KALRN: variants seen among roughly 807,000 people sequenced by gnomAD.
The protein encoded by KALRN is kalirin RhoGEF kinase.
In KALRN, 70 loss-of-function variants were observed where a neutral mutation model predicts 353.7. That is an observed-to-expected ratio of 0.20 (90% CI 0.16 to 0.24). KALRN has a LOEUF of 0.24. KALRN is among the 10% of genes least tolerant of loss of function. The pLI, the probability that KALRN is intolerant of heterozygous loss-of-function variation, is 1.00. For missense variants in KALRN, 2,791 were observed against 3,756.7 expected (o/e 0.74, Z 6.72); for synonymous variants, 1,391 against 1,434.8 (o/e 0.97, Z 0.69).
intron 10 of KALRN, among the ~76,000 whole-genome samples, chr3:124,367,863 G>A (rs1401990251): frequency 5.7e-5 from 1 of 17,506 alleles, no homozygotes; most frequent in African/African-American, 2.0e-4. Flanking sequence ...GCCGGGCGGG[G>A]GGCTGACCCC....
intron 27 of KALRN, among the ~76,000 whole-genome samples, chr3:124,477,597 G>A (rs941126017): frequency 6.6e-6 from 1 of 152,154 alleles, no homozygotes; most frequent in African/African-American, 2.4e-5. Flanking sequence ...TAAAGCACAT[G>A]TTTAGAGGAG....
At chr3:124,170,057 C>T (rs931806086) in intron 1 of KALRN, among the ~76,000 whole-genome samples, 15 of 152,056 alleles carry the variant, frequency 9.9e-5, no homozygotes, top group Admixed American at 2.0e-4. Context: ...CAGAAAATAC[C>T]GTGGTAAAGC....
In KALRN at chr3:124,043,871, G is replaced by C. The variant is rs190805201; in HGVS notation, c.73+10058G>C. On this transcript the variant is annotated intron_variant, in intron 1 of 59. Coordinates refer to ENST00000682506, the MANE Select transcript of KALRN (RefSeq NM_001388419.1). Reference sequence around the variant, plus strand: ...CTCCTACAGAGTATGAGTCAGAAAGGCAAGCGGGGAAAGAAGTAAGTGAGG... The same window carrying C: ...CTCCTACAGAGTATGAGTCAGAAAGCCAAGCGGGGAAAGAAGTAAGTGAGG... Among the ~76,000 whole-genome samples, 40 of 152,290 alleles carry C rather than the reference G, an allele frequency of 2.6e-4. No homozygotes were observed. In the East Asian group the frequency reaches 7.3e-3, roughly 28 times the overall value.
chr3:124,469,802 T>C (rs552889734), intron 25 of KALRN, among the ~76,000 whole-genome samples: 154 of 152,334 alleles, frequency 1.0e-3, no homozygotes, highest in African/African-American at 3.6e-3. Flanking sequence ...ATCAAATAGT[T>C]ATTTCCATTT....
At chr3:124,516,256 T>G (rs1352648426) in intron 33 of KALRN, among the ~76,000 whole-genome samples, 2 of 152,156 alleles carry the variant, frequency 1.3e-5, no homozygotes, top group African/African-American at 4.8e-5. Context: ...AGAGGCAACA[T>G]GTACAGTGAT....
At chr3:124,483,761 T>C (rs2062242952) in intron 28 of KALRN, among the ~76,000 whole-genome samples, 2 of 152,200 alleles carry the variant, frequency 1.3e-5, no homozygotes. Flanking sequence ...TTAGGGGTTC[T>C]TCTGGAGCCA....
intron 1 of KALRN, among the ~76,000 whole-genome samples, chr3:124,156,421 G>A (rs1328147209): frequency 6.6e-6 from 1 of 152,116 alleles, no homozygotes; most frequent in Non-Finnish European, 1.5e-5. Context: ...TAAACTTGGG[G>A]CCTGACAAAC....
chr3:124,077,311 G>A (rs1257732841), intron 1 of KALRN, among the ~76,000 whole-genome samples: 2 of 152,232 alleles, frequency 1.3e-5, no homozygotes, highest in Non-Finnish European at 2.9e-5. Context: ...AGGGAAGTCA[G>A]GAAGCTTTTG....
intron 1 of KALRN, chr3:124,095,859 C>T (rs144402644): frequency 1.3e-5 from 2 of 152,004 alleles, no homozygotes; most frequent in East Asian, 3.9e-4. Flanking sequence ...CCTGGGGAAG[C>T]CTTGCTATAC....
chr3:124,589,198 C>T (rs1450527201), intron 34 of KALRN, among the ~76,000 whole-genome samples: 5 of 152,180 alleles, frequency 3.3e-5, no homozygotes, highest in Non-Finnish European at 7.3e-5. Flanking sequence ...TTCCTTGGTC[C>T]TTAAATTAAT....
chr3:124,277,987 A>T (rs1314145655), intron 5 of KALRN, among the ~76,000 whole-genome samples: 1 of 117,680 alleles, frequency 8.5e-6, no homozygotes, highest in Non-Finnish European at 1.9e-5. Context: ...GTCTGATCAG[A>T]GATGAACTAT....
intron 33 of KALRN, among the ~76,000 whole-genome samples, chr3:124,502,461 G>A (rs538445829): frequency 7.2e-5 from 11 of 152,338 alleles, no homozygotes; most frequent in African/African-American, 2.6e-4. Flanking sequence ...GGGGATCTGG[G>A]TGGGCTGCCA....
intron 14 of KALRN, among the ~76,000 whole-genome samples, chr3:124,421,436 C>T (rs1013037348): frequency 2.0e-5 from 3 of 152,146 alleles, no homozygotes; most frequent in African/African-American, 7.2e-5. Flanking sequence ...CATGTACATA[C>T]AGTAATATGT....
At chr3:124,161,453 G>A (rs763242510) in intron 1 of KALRN, among the ~76,000 whole-genome samples, 41 of 152,090 alleles carry the variant, frequency 2.7e-4, no homozygotes, top group African/African-American at 9.9e-4. Flanking sequence ...ATCTGAGATC[G>A]CTTCTCCCCC....
chr3:124,705,820 C>CT (rs1477219164), intron 57 of KALRN, among the ~76,000 whole-genome samples: 46 of 148,536 alleles, frequency 3.1e-4, no homozygotes, highest in African/African-American at 1.1e-3. Context: ...TCCTTCCTTC[C>CT]TCCCTTCCTT....
intron 6 of KALRN, among the ~76,000 whole-genome samples, chr3:124,325,696 A>T (rs144202245): frequency 5.9e-5 from 9 of 152,334 alleles, no homozygotes; most frequent in African/African-American, 2.2e-4. Context: ...GGTTGTGAAG[A>T]TTACATAAAG....
intron 1 of KALRN, among the ~76,000 whole-genome samples, chr3:124,160,108 G>A (rs572380268): frequency 6.6e-6 from 1 of 151,210 alleles, no homozygotes; most frequent in Admixed American, 6.6e-5. Context: ...CTTGGAAATA[G>A]GGTCTTTGCA....
chr3:124,710,932 C>T (rs1339742090), intron 57 of KALRN, among the ~76,000 whole-genome samples: 7 of 152,166 alleles, frequency 4.6e-5, no homozygotes, highest in East Asian at 1.9e-4. Context: ...CCACTAAATT[C>T]GGGAGAGCTA....
intron 34 of KALRN, among the ~76,000 whole-genome samples, chr3:124,610,494 C>A (rs1561416609): frequency 1.3e-5 from 2 of 152,042 alleles, no homozygotes; most frequent in South Asian, 2.1e-4. Flanking sequence ...TTGTCTGATA[C>A]CTGGTCCTGG....
Sources: allele counts gnomAD v4.1 joint callset (sites outside exome capture counted in the v4.1 genomes callset), GRCh38; gene constraint gnomAD v4.1.1; transcripts MANE v1.5; gene names NCBI Gene and HGNC (gene_info 2026-07-23, HGNC 2026-07-21).